Variants in KCNH5 observed in about 807,000 individuals in gnomAD.
KCNH5 encodes potassium voltage-gated channel subfamily H member 5.
KCNH5 carries 46 observed loss-of-function variants against 96.1 expected under a neutral mutation model. The observed-to-expected ratio is 0.48, with a 90% CI of 0.38 to 0.61. The LOEUF (loss-of-function observed/expected upper bound fraction) is 0.61. KCNH5 is among the 20% of genes least tolerant of loss of function. The pLI is 0.00. For synonymous variants in KCNH5, 439 were observed against 449.8 expected, an observed-to-expected ratio of 0.98 and a Z score of 0.30; for missense variants, 907 against 1,225.8, an observed-to-expected ratio of 0.74 and a Z score of 3.88.
chr14:62,888,574 T>G (rs937363633), intron 7 of KCNH5, among the ~76,000 whole-genome samples: 5 of 152,162 alleles, frequency 3.3e-5, no homozygotes, highest in African/African-American at 1.2e-4. Context: ...GAAACTAATT[T>G]TACATATATT....
intron 7 of KCNH5, among the ~76,000 whole-genome samples, chr14:62,854,019 CA>C (rs1003772444): frequency 1.7e-5 from 2 of 115,450 alleles, no homozygotes; most frequent in African/African-American, 2.9e-5. Context: ...AAAAAAAAAA[CA>C]AAAAAAACAA....
chr14:62,877,185 A>T (rs932717825), intron 7 of KCNH5, among the ~76,000 whole-genome samples: 4 of 152,046 alleles, frequency 2.6e-5, no homozygotes, highest in Admixed American at 6.6e-5. Context: ...CCTTATACAA[A>T]AATTAATTCA....
At chr14:62,960,788 C>T (rs557315258) in intron 6 of KCNH5, among the ~76,000 whole-genome samples, 3 of 152,068 alleles carry the variant, frequency 2.0e-5, no homozygotes, top group Admixed American at 6.6e-5. Flanking sequence ...AAGAGCTCTA[C>T]GGGGAAATAA....
intron 7 of KCNH5, among the ~76,000 whole-genome samples, chr14:62,870,258 C>T (rs980780906): frequency 6.6e-6 from 1 of 152,148 alleles, no homozygotes; most frequent in South Asian, 2.1e-4. Context: ...TAAATATTCT[C>T]ATGCATTTCA....
intron 8 of KCNH5, among the ~76,000 whole-genome samples, chr14:62,822,461 G>C (rs171459): frequency 0.68 from 103,356 of 151,848 alleles, 36,939 homozygotes; most frequent in African/African-American, 0.92. Flanking sequence ...AGAAATATAC[G>C]AACACAGATA....
chr14:62,786,871 T>C (rs1167017925), intron 9 of KCNH5, among the ~76,000 whole-genome samples: 3 of 152,174 alleles, frequency 2.0e-5, no homozygotes, highest in Admixed American at 1.3e-4. Flanking sequence ...GCAAACTTAA[T>C]CAATAAATAT....
intron 7 of KCNH5, among the ~76,000 whole-genome samples, chr14:62,887,694 G>A (rs1248344706): frequency 6.6e-6 from 1 of 152,094 alleles, no homozygotes; most frequent in African/African-American, 2.4e-5. Flanking sequence ...GTATGAGGTG[G>A]GGAGAAAAGA....
At chr14:62,799,691 TTATATATA>T (rs71410693) in intron 9 of KCNH5, among the ~76,000 whole-genome samples, 596 of 58,028 alleles carry the variant, frequency 0.01, 16 homozygotes, top group Middle Eastern at 0.026. Context: ...GTATATACCT[TTATATATA>T]TATATATATA....
At chr14:63,018,335 A>G (rs1464494818) in intron 1 of KCNH5, among the ~76,000 whole-genome samples, 1 of 151,938 alleles carries the variant, frequency 6.6e-6, no homozygotes, top group African/African-American at 2.4e-5. Flanking sequence ...GGAGTTGGGG[A>G]AATCCTTTAA....
intron 9 of KCNH5, among the ~76,000 whole-genome samples, chr14:62,794,008 G>A (rs1886488463): frequency 6.6e-6 from 1 of 151,938 alleles, no homozygotes; most frequent in Non-Finnish European, 1.5e-5. Context: ...AGAGGAGAGT[G>A]GAATGTAACA....
At chr14:62,853,494 A>ATATAT (rs375695583) in intron 7 of KCNH5, among the ~76,000 whole-genome samples, 5 of 102,096 alleles carry the variant, frequency 4.9e-5, no homozygotes, top group South Asian at 4.4e-4. Context: ...ATATATATAT[A>ATATAT]ATCTTGGCCA....
At chr14:62,801,488 G>A (rs969503158) in intron 9 of KCNH5, among the ~76,000 whole-genome samples, 1 of 144,954 alleles carries the variant, frequency 6.9e-6, no homozygotes, top group Non-Finnish European at 1.5e-5. Flanking sequence ...GATCTAAAAG[G>A]TCATTTGGCA....
At chr14:62,999,266 T>G (rs1191463011) in intron 4 of KCNH5, among the ~76,000 whole-genome samples, 1 of 152,192 alleles carries the variant, frequency 6.6e-6, no homozygotes, top group Non-Finnish European at 1.5e-5. Context: ...TGGTTTTGAT[T>G]TGCATTTCTC....
chr14:62,990,455 T>G (rs937311202), intron 4 of KCNH5, among the ~76,000 whole-genome samples: 1 of 151,706 alleles, frequency 6.6e-6, no homozygotes, highest in Non-Finnish European at 1.5e-5. Flanking sequence ...CTTTACCTTA[T>G]TTTACTTTCT....
chr14:62,716,045 C>G (rs1222430570), intron 10 of KCNH5, among the ~76,000 whole-genome samples: 5 of 152,180 alleles, frequency 3.3e-5, no homozygotes, highest in Non-Finnish European at 7.4e-5. Flanking sequence ...TATCTCAATT[C>G]TTCAGGCTAT....
intron 7 of KCNH5, among the ~76,000 whole-genome samples, chr14:62,857,519 C>T (rs1242160217): frequency 1.3e-5 from 2 of 152,062 alleles, no homozygotes; most frequent in African/African-American, 2.4e-5. Context: ...ATCGTAAGGT[C>T]CCACAATAGG....
chr14:63,042,703 G>A (rs190655117), intron 1 of KCNH5, among the ~76,000 whole-genome samples: 17 of 152,188 alleles, frequency 1.1e-4, no homozygotes, highest in Admixed American at 3.9e-4. Flanking sequence ...CAATTTCTCA[G>A]GATAAATTTT....
Position 63,016,834 on chromosome 14 carries a change from C to A in KCNH5, c.194G>T (p.Cys65Phe). 1 of 1,607,140 alleles carries A rather than the reference C, an allele frequency of 6.2e-7. No individual in the cohort carries two copies. The highest frequency in any genetic ancestry group is 1.1e-5 in the South Asian group (1 of 89,348). Reference protein sequence around the residue: ...RADVMQKSSTCSFMYGELTDK... With the variant: ...RADVMQKSSTFSFMYGELTDK... The stretch of plus-strand genomic sequence containing the variant: ...ACTTAGCTATTCTGTTACCTACCTG[C>A]AAGTGCTGCTTTTCTGCATGACGTC... Residue 65 changes from cysteine (C) to phenylalanine (F), a missense_variant, in exon 2 of 11, where the codon TGC (cysteine) becomes TTC (phenylalanine). Cys to Phe is a radical substitution (Grantham distance 205). This residue lies in a region of KCNH5 where 370 missense variants were observed against 561.3 expected (regional missense o/e 0.66). Transcript: ENST00000322893.
intron 7 of KCNH5, among the ~76,000 whole-genome samples, chr14:62,900,179 CA>C (rs1442782624): frequency 6.6e-6 from 1 of 152,120 alleles, no homozygotes; most frequent in Non-Finnish European, 1.5e-5. Context: ...CTACCAGCAA[CA>C]AAACTCACAG....
Sources: allele counts gnomAD v4.1 joint callset (sites outside exome capture counted in the v4.1 genomes callset), GRCh38; gene constraint gnomAD v4.1.1; regional missense constraint gnomAD v4.1.1; transcripts MANE v1.5; gene names NCBI Gene and HGNC (gene_info 2026-07-23, HGNC 2026-07-21).